XRCC1: variants seen among roughly 807,000 people sequenced by gnomAD.
XRCC1 encodes X-ray repair cross complementing 1, also known as DNA repair protein XRCC1.
A neutral mutation model predicts 83.3 loss-of-function variants in XRCC1; 52 were observed. That is an observed-to-expected ratio of 0.62 (90% CI 0.50 to 0.79). The LOEUF (loss-of-function observed/expected upper bound fraction) is 0.79, where lower values mean the gene tolerates loss of function less well. Among genes scored for constraint, XRCC1 ranks in the 30% least tolerant of loss-of-function variants. XRCC1 has a pLI of 0.00. For synonymous variants in XRCC1, 281 were observed against 312.6 expected (o/e 0.90, Z 1.07); for missense variants, 793 against 823.5 (o/e 0.96, Z 0.45).
chr19:43,572,929 T>TTTA (rs1972818643), intron 2 of XRCC1, among the ~76,000 whole-genome samples: 1 of 137,772 alleles, frequency 7.3e-6, no homozygotes, highest in African/African-American at 2.7e-5. Flanking sequence ...GATCTTTTCT[T>TTTA]TTTTTTTTTT....
At chr19:43,572,718 T>G (rs1384732411) in intron 2 of XRCC1, among the ~76,000 whole-genome samples, 2 of 152,058 alleles carry the variant, frequency 1.3e-5, no homozygotes, top group Non-Finnish European at 2.9e-5. Flanking sequence ...TTCCAACTAC[T>G]CAGAAGGCTG....
At chr19:43,547,087 T>A (rs117649720) in intron 10 of XRCC1, 110 bp from the exon 11 acceptor site, 1 of 1,061,522 alleles carries the variant, frequency 9.4e-7, no homozygotes, top group Non-Finnish European at 1.4e-6. Context: ...GTGGGCCTCA[T>A]GGTCTTGTTC....
chr19:43,553,659 C>T lies in XRCC1; in HGVS notation c.439G>A (p.Val147Ile). The part of the protein sequence containing the change: ...SKDSPFGLSF[V>I]RFHSPPDKDE... ...TTGTCTGGGGGGCTATGAAACCGTA[C>T]AAAACTCAAGCCAAAGGGGGAGTCC... Residue 147 changes from valine to isoleucine, a missense_variant, in exon 5 of 17, where the codon GTA (valine) becomes ATA (isoleucine). By Grantham distance (29) the Val-to-Ile change is conservative (BLOSUM62 3). Coordinates refer to ENST00000262887, the MANE Select transcript of XRCC1 (RefSeq NM_006297.3). 1 of 1,524,432 alleles carries T rather than the reference C, an allele frequency of 6.6e-7. No homozygotes were observed. The highest frequency in any genetic ancestry group is 1.3e-5 in the South Asian group (1 of 77,710). The allele number at this position is 1,524,432 out of a possible 1,614,324, so 94.4% of individuals were successfully genotyped here.
rs1972501133 is a variant in XRCC1, at chr19:43,545,719, C to T, written c.1621+99G>A. 3 of 1,504,950 alleles carry T rather than the reference C, an allele frequency of 2.0e-6. No homozygotes were observed. In the Admixed American group the frequency reaches 5.9e-5, roughly 29 times the overall value. 93.2% of individuals were successfully genotyped at this position (1,504,950 alleles called of 1,614,324 possible). A position where few individuals can be genotyped will look rare whatever the true frequency, so the allele number is the denominator to read the frequency against. ...TTGAGGAAGGAGAGGGGAGGCAAGA[C>T]ACGGGGGCAGCAGTGACCCCAGGGC... On this transcript the variant is annotated intron_variant, in intron 14 of 16. Transcript: ENST00000262887.
At chr19:43,569,018 C>T (rs1972781712) in intron 2 of XRCC1, among the ~76,000 whole-genome samples, 1 of 150,494 alleles carries the variant, frequency 6.6e-6, no homozygotes, top group Non-Finnish European at 1.5e-5. Context: ...GTGGTGTGCA[C>T]CTATAGTCCT....
intron 11 of XRCC1, 44 bp from the exon 12 acceptor site, chr19:43,546,771 G>C: frequency 6.3e-7 from 1 of 1,595,886 alleles, no homozygotes; most frequent in Non-Finnish European, 8.6e-7. Flanking sequence ...GGAACAGTGT[G>C]GGTGTGTTGG....
chr19:43,563,531 G>A (rs566373850), intron 2 of XRCC1, among the ~76,000 whole-genome samples: 29 of 152,068 alleles, frequency 1.9e-4, no homozygotes, highest in African/African-American at 6.0e-4. Context: ...ATAACAAGAA[G>A]TCCCAGTCTG....
Position 43,546,865 on chromosome 19 carries a change from T to TG in XRCC1, c.1293+18dup. 1 of 1,613,186 alleles carries TG rather than the reference T, an allele frequency of 6.2e-7. No homozygotes were observed. Among genetic ancestry groups the TG allele is most frequent in the South Asian group, 1.1e-5 (1 of 91,020 alleles). ...ATCCTCCCACTACACCCTCCCCCAC[T>TG]GGACAGGGGGCATCAGACCTTCTGA... On this transcript the variant is annotated intron_variant, in intron 11 of 16. Coordinates refer to ENST00000262887, the MANE Select transcript of XRCC1 (RefSeq NM_006297.3).
At chr19:43,562,977 G>T (rs1020814046) in intron 2 of XRCC1, among the ~76,000 whole-genome samples, 4 of 152,240 alleles carry the variant, frequency 2.6e-5, no homozygotes. Flanking sequence ...TTCACAGCTG[G>T]TGGGTGGCAA....
intron 4 of XRCC1, 34 bp from the exon 5 acceptor site, chr19:43,553,717 G>A: frequency 6.7e-7 from 1 of 1,496,676 alleles, no homozygotes; most frequent in Non-Finnish European, 9.0e-7. Context: ...AGGGAGTCTG[G>A]CCCAAGGACA....
intron 2 of XRCC1, among the ~76,000 whole-genome samples, chr19:43,570,893 A>G (rs1972801254): frequency 6.6e-6 from 1 of 152,236 alleles, no homozygotes; most frequent in Admixed American, 6.5e-5. Flanking sequence ...ATGAATCCAG[A>G]GTAACCCCAC....
At chr19:43,544,628 T>C (rs1306170348) in intron 14 of XRCC1, among the ~76,000 whole-genome samples, 1 of 151,838 alleles carries the variant, frequency 6.6e-6, no homozygotes, top group Non-Finnish European at 1.5e-5. Context: ...CATCTCAGCC[T>C]CCCCAGTAGC....
At chr19:43,558,622 C>G (rs3213331) in intron 3 of XRCC1, among the ~76,000 whole-genome samples, 13,476 of 151,250 alleles carry the variant, frequency 0.089, 767 homozygotes, top group Admixed American at 0.15. Context: ...GAGTGAGACC[C>G]CCATCTCAAA....
At chr19:43,566,161 G>C (rs893934363) in intron 2 of XRCC1, among the ~76,000 whole-genome samples, 4 of 151,868 alleles carry the variant, frequency 2.6e-5, no homozygotes, top group African/African-American at 9.7e-5. Flanking sequence ...ACTTGAACCT[G>C]GGAGGCAGAA....
chr19:43,544,411 T>C (rs1972487886), intron 14 of XRCC1, among the ~76,000 whole-genome samples, 177 bp from the exon 15 acceptor site: 1 of 151,786 alleles, frequency 6.6e-6, no homozygotes, highest in African/African-American at 2.4e-5. Flanking sequence ...GGGAGGTAGG[T>C]TGGTTGGTTG....
chr19:43,545,900 G>A lies in XRCC1; in HGVS notation c.1539C>T (p.Asp513=), dbSNP rs1972503549. The part of the protein sequence containing the change: ...LPPGQEENGE[D]PYAGSTDENT... Reference sequence around the variant, plus strand: ...TCTCATCCGTGGAGCCTGCATACGGGTCTTCCCCATTCTCCTCCTGGCCAG... The same window carrying A: ...TCTCATCCGTGGAGCCTGCATACGGATCTTCCCCATTCTCCTCCTGGCCAG... Residue 513 remains aspartate (D), a synonymous_variant, in exon 14 of 17, where the codon GAC becomes GAT. Coordinates refer to ENST00000262887, the MANE Select transcript of XRCC1 (RefSeq NM_006297.3). 8 of 1,613,844 alleles carry A rather than the reference G, an allele frequency of 5.0e-6. No homozygotes were observed. Among genetic ancestry groups the A allele is most frequent in the Non-Finnish European group, 6.8e-6 (8 of 1,179,934 alleles).
chr19:43,548,061 C>T (rs1972532758), intron 10 of XRCC1, among the ~76,000 whole-genome samples: 1 of 38,304 alleles, frequency 2.6e-5, no homozygotes, highest in South Asian at 7.8e-4. Context: ...GCCAGCCGCC[C>T]CGTCGGGGGG....
chr19:43,568,180 G>C (rs935676583), intron 2 of XRCC1, among the ~76,000 whole-genome samples: 9 of 151,390 alleles, frequency 5.9e-5, no homozygotes, highest in Non-Finnish European at 1.2e-4. Context: ...GCCATGAAAT[G>C]CAATTGTATG....
chr19:43,560,843 G>A, intron 3 of XRCC1, 67 bp downstream of exon 3: 5 of 1,346,532 alleles, frequency 3.7e-6, no homozygotes, highest in Non-Finnish European at 5.3e-6. Flanking sequence ...CCAGCCCCTG[G>A]GGGAGACGGT....
Sources: gnomAD v4.1 joint callset for allele counts (sites outside exome capture counted in the v4.1 genomes callset) on GRCh38, gnomAD v4.1.1 for gene constraint, MANE v1.5 for transcripts, NCBI Gene and HGNC (gene_info 2026-07-23, HGNC 2026-07-21) for gene names.